Variants in LPL observed in about 807,000 individuals in gnomAD.
The protein encoded by LPL is lipoprotein lipase.
Under a neutral mutation model 52.2 loss-of-function variants are expected in LPL, and 43 were observed. The ratio of observed to expected loss-of-function variants is 0.82; its 90% confidence interval spans 0.64 to 1.06. The LOEUF is 1.06. Ranked by LOEUF, LPL falls within the 50% of genes least tolerant of loss-of-function variation. The probability of loss-of-function intolerance (pLI) is 0.00; values close to 1 mark genes in which losing one functional copy is unlikely to be tolerated. For synonymous variants in LPL, 244 were observed against 215.6 expected, an observed-to-expected ratio of 1.13 and a Z score of -1.15; for missense variants, 639 against 585.3, an observed-to-expected ratio of 1.09 and a Z score of -0.95.
intron 6 of LPL, among the ~76,000 whole-genome samples, chr8:19,958,940 T>C (rs1269294636): frequency 6.6e-6 from 1 of 152,234 alleles, no homozygotes; most frequent in Admixed American, 6.5e-5. Flanking sequence ...ATGAGTGTTT[T>C]GGCCTTCTGA....
chr8:19,965,370 G>A lies in LPL; in HGVS notation c.*60G>A. On this transcript the variant is annotated 3_prime_UTR_variant, in exon 10 of 10. Coordinates refer to ENST00000650287, the MANE Select transcript of LPL (RefSeq NM_000237.3). The stretch of plus-strand genomic sequence containing the variant: ...TGAATTCTGTGAAGAATGAAGTGGA[G>A]GAAGTAACTTTTACAAAACATACCC... 1 of 779,968 alleles carries A rather than the reference G, an allele frequency of 1.3e-6. No individual in the cohort carries two copies. 48.3% of individuals were successfully genotyped at this position (779,968 alleles called of 1,614,324 possible). A position where few individuals can be genotyped will look rare whatever the true frequency, so the allele number is the denominator to read the frequency against.
intron 6 of LPL, among the ~76,000 whole-genome samples, chr8:19,956,816 C>G (rs2069990278): frequency 6.6e-6 from 1 of 152,154 alleles, no homozygotes; most frequent in Non-Finnish European, 1.5e-5. Flanking sequence ...CAAGGACCAT[C>G]TGTCTTATTT....
At chr8:19,955,698 G>T in intron 5 of LPL, 143 bp from the exon 6 acceptor site, 1 of 1,070,638 alleles carries the variant, frequency 9.3e-7, no homozygotes, top group South Asian at 1.3e-5. Context: ...CCTGAAATAG[G>T]GCCTACAATC....
intron 1 of LPL, among the ~76,000 whole-genome samples, chr8:19,947,387 C>T (rs922234012): frequency 3.9e-5 from 6 of 151,968 alleles, no homozygotes; most frequent in African/African-American, 1.5e-4. Context: ...TGCCTGTAAT[C>T]CCAGCATTTT....
intron 2 of LPL, among the ~76,000 whole-genome samples, chr8:19,951,310 G>C (rs777085171): frequency 6.6e-6 from 1 of 152,162 alleles, no homozygotes; most frequent in Non-Finnish European, 1.5e-5. Context: ...AACCTCTCCT[G>C]ATCTTGAAAG....
chr8:19,954,378 A>T (rs775552673), intron 5 of LPL, 25 bp downstream of exon 5: 1 of 1,595,654 alleles, frequency 6.3e-7, no homozygotes, highest in South Asian at 1.1e-5. Context: ...GAAGCGAATT[A>T]AATGTGACTC....
chr8:19,946,833 C>G (rs1224680064), intron 1 of LPL: 1 of 153,832 alleles, frequency 6.5e-6, no homozygotes, highest in Non-Finnish European at 1.4e-5. Flanking sequence ...TTTACTTCAA[C>G]TATTCACTGT....
Position 19,939,434 on chromosome 8 carries a change from C to A in LPL, c.-7C>A, listed in dbSNP as rs774996291. 5 of 1,605,484 alleles carry A rather than the reference C, an allele frequency of 3.1e-6. No homozygotes were observed. The highest frequency in any genetic ancestry group is 4.2e-6 in the Non-Finnish European group (5 of 1,176,686). ...CTTGCAGCTCCTCCAGAGGGACGCG[C>A]CCCGAGATGGAGAGCAAAGCCCTGC... On this transcript the variant is annotated 5_prime_UTR_variant, in exon 1 of 10. Transcript: ENST00000650287. This position sits in a 1 kb window ranked among gnomAD's most constrained non-coding sequence, Gnocchi z 4.0.
intron 1 of LPL, among the ~76,000 whole-genome samples, chr8:19,947,962 G>C (rs1043789475): frequency 2.0e-5 from 3 of 152,140 alleles, no homozygotes; most frequent in Non-Finnish European, 4.4e-5. Flanking sequence ...AGAGGTCAAT[G>C]GTGACAATCT....
At chr8:19,957,275 C>T (rs964799224) in intron 6 of LPL, among the ~76,000 whole-genome samples, 6 of 152,120 alleles carry the variant, frequency 3.9e-5, no homozygotes, top group Non-Finnish European at 7.4e-5. Context: ...GGACCAACTT[C>T]AGGAAGGGTG....
At position 19,965,325 on chromosome 8, in the gene LPL, A is replaced by G; in HGVS notation, c.*15A>G. On this transcript the variant is annotated 3_prime_UTR_variant, in exon 10 of 10. Transcript: ENST00000650287. ...TTTTTCTCAGAAACTGGGCGAATCTACAGAACAAAGAACGGCATGTGAATT... is the reference window on the plus strand; with the variant it reads ...TTTTTCTCAGAAACTGGGCGAATCTGCAGAACAAAGAACGGCATGTGAATT... 1 of 780,698 alleles carries G rather than the reference A, an allele frequency of 1.3e-6. No homozygotes were observed. The highest frequency in any genetic ancestry group is 1.7e-5 in the African/African-American group (1 of 59,254). 48.4% of individuals were successfully genotyped at this position (780,698 alleles called of 1,614,324 possible). A position where few individuals can be genotyped will look rare whatever the true frequency, so the allele number is the denominator to read the frequency against.
intron 9 of LPL, among the ~76,000 whole-genome samples, chr8:19,963,956 G>T (rs28716400): frequency 0.038 from 5,612 of 149,196 alleles, 341 homozygotes; most frequent in African/African-American, 0.13. Context: ...GTTTGTTTTG[G>T]TTTTTTTTTT....
At chr8:19,962,313 C>A in intron 9 of LPL, 94 bp downstream of exon 9, 2 of 883,128 alleles carry the variant, frequency 2.3e-6, no homozygotes, top group Middle Eastern at 2.3e-4. Flanking sequence ...TCACCAGCAG[C>A]TTGCCCTGAC....
chr8:19,947,656 A>ACAC (rs1563568836), intron 1 of LPL, among the ~76,000 whole-genome samples: 1 of 69,586 alleles, frequency 1.4e-5, no homozygotes, highest in Non-Finnish European at 3.3e-5. Context: ...AAACAAAACA[A>ACAC]CCCCCCCCCC....
intron 1 of LPL, among the ~76,000 whole-genome samples, chr8:19,940,045 TC>T (rs547909542): frequency 6.6e-4 from 100 of 152,232 alleles, no homozygotes; most frequent in African/African-American, 2.3e-3. Flanking sequence ...GGGGAGGCGT[TC>T]CGGGCATCTC....
chr8:19,948,880 A>AC (rs2069906890), intron 2 of LPL, among the ~76,000 whole-genome samples: 1 of 151,930 alleles, frequency 6.6e-6, no homozygotes, highest in South Asian at 2.1e-4. Context: ...GTCCCTAAAA[A>AC]CACTCTACTT....
intron 1 of LPL, among the ~76,000 whole-genome samples, chr8:19,943,413 T>C (rs2069857075): frequency 6.6e-6 from 1 of 152,172 alleles, no homozygotes; most frequent in Non-Finnish European, 1.5e-5. Flanking sequence ...TGAAAAACAG[T>C]ATAGGAGTTA....
At chr8:19,955,612 A>C (rs879704978) in intron 5 of LPL, among the ~76,000 whole-genome samples, 3 of 152,194 alleles carry the variant, frequency 2.0e-5, no homozygotes, top group Admixed American at 6.5e-5. Context: ...AAGAAGCACA[A>C]AAGTCAAAAA....
chr8:19,963,775 C>G (rs1052120249), intron 9 of LPL, among the ~76,000 whole-genome samples: 4 of 152,084 alleles, frequency 2.6e-5, no homozygotes, highest in Non-Finnish European at 5.9e-5. Flanking sequence ...AGGATAAACT[C>G]AAAATGGAGA....
Sources: gnomAD v4.1 joint callset for allele counts (sites outside exome capture counted in the v4.1 genomes callset) on GRCh38, gnomAD v4.1.1 for gene constraint, Gnocchi (gnomAD v3.1) non-coding constraint, MANE v1.5 for transcripts, NCBI Gene and HGNC (gene_info 2026-07-23, HGNC 2026-07-21) for gene names.